Variants in DNAJC5G observed in about 807,000 individuals in gnomAD.
The protein encoded by DNAJC5G is dnaJ homolog subfamily C member 5G.
Under a neutral mutation model 19.1 loss-of-function variants are expected in DNAJC5G, and 13 were observed. The ratio of observed to expected loss-of-function variants is 0.68; its 90% CI spans 0.44 to 1.08. The LOEUF (loss-of-function observed/expected upper bound fraction) is 1.08. Ranked by LOEUF, DNAJC5G falls within the 50% of genes least tolerant of loss-of-function variation. DNAJC5G has a pLI of 0.00. For synonymous variants in DNAJC5G, 81 were observed against 84.4 expected, an observed-to-expected ratio of 0.96 and a Z score of 0.22; for missense variants, 245 against 230.4, an observed-to-expected ratio of 1.06 and a Z score of -0.41.
intron 3 of DNAJC5G, among the ~76,000 whole-genome samples, chr2:27,277,249 C>T (rs920328814): frequency 4.7e-5 from 7 of 147,862 alleles, no homozygotes; most frequent in East Asian, 2.0e-4. Context: ...GCCTACGACC[C>T]GTTTGTTTGT....
intron 5 of DNAJC5G, among the ~76,000 whole-genome samples, chr2:27,278,683 CAAAAAAAAAA>C (rs1180058010): frequency 7.5e-5 from 2 of 26,738 alleles, no homozygotes; most frequent in African/African-American, 2.9e-4. Flanking sequence ...GACTCCATCT[CAAAAAAAAAA>C]AAAAAAAAAA....
chr2:27,275,866 A>ACCCCCCCCCCCCC (rs1572502161), intron 1 of DNAJC5G: 15 of 93,170 alleles, frequency 1.6e-4, no homozygotes, highest in African/African-American at 5.5e-4. Flanking sequence ...AGCACTCCCC[A>ACCCCCCCCCCCCC]CCCCCGCCCC....
intron 2 of DNAJC5G, 123 bp downstream of exon 2, chr2:27,276,510 G>A (rs1678082177): frequency 2.0e-6 from 1 of 508,406 alleles, no homozygotes; most frequent in South Asian, 2.4e-5. Flanking sequence ...GGAAATGTGA[G>A]GAGAAGATGT....
At chr2:27,279,004 C>CAAAAAAAA (rs1227842823) in intron 5 of DNAJC5G, among the ~76,000 whole-genome samples, 4 of 56,808 alleles carry the variant, frequency 7.0e-5, no homozygotes, top group Non-Finnish European at 4.1e-5. Context: ...GACTCCATCT[C>CAAAAAAAA]AAAAAAAAAA....
chr2:27,279,654 G>A (rs867397184), intron 5 of DNAJC5G, among the ~76,000 whole-genome samples: 2 of 151,304 alleles, frequency 1.3e-5, no homozygotes, highest in Non-Finnish European at 2.9e-5. Flanking sequence ...GCTTGTGCCT[G>A]TAATCCCAGC....
At chr2:27,279,645 C>G (rs1435768521) in intron 5 of DNAJC5G, among the ~76,000 whole-genome samples, 4 of 151,408 alleles carry the variant, frequency 2.6e-5, no homozygotes, top group Non-Finnish European at 5.9e-5. Context: ...GTTGCAGTGG[C>G]TTGTGCCTGT....
In DNAJC5G at chr2:27,276,715, C is replaced by G; in HGVS notation, c.-3-11C>G. 1 of 1,610,996 alleles carries G rather than the reference C, an allele frequency of 6.2e-7. No homozygotes were observed. Reference sequence around the variant, plus strand: ...GAAGTTCTCACAGATGCTGCTTCTCCTCTGGCTCAGATCATGTCTACTGTG... The same window carrying G: ...GAAGTTCTCACAGATGCTGCTTCTCGTCTGGCTCAGATCATGTCTACTGTG... On this transcript the variant is annotated splice_polypyrimidine_tract_variant and intron_variant, in intron 2 of 6. Coordinates refer to ENST00000296097, the MANE Select transcript of DNAJC5G (RefSeq NM_173650.3).
chr2:27,280,158 C>T lies in DNAJC5G; in HGVS notation c.521-8C>T. 6.2e-7 allele frequency: 1 copy of T among 1,613,204 alleles called. No homozygotes were observed. On this transcript the variant is annotated splice_region_variant and splice_polypyrimidine_tract_variant and intron_variant, in intron 5 of 6. Transcript: ENST00000296097. ...GTATATGTAAACATATATATAATTC[C>T]ATCATAGGAGCCAAATGTGATTTTA...
chr2:27,276,404 A>G lies in DNAJC5G; in HGVS notation c.-4+17A>G, dbSNP rs1678075481. 1 of 218,714 alleles carries G rather than the reference A, an allele frequency of 4.6e-6. No individual in the cohort carries two copies. Among genetic ancestry groups the G allele is most frequent in the Non-Finnish European group, 9.1e-6 (1 of 109,940 alleles). 13.5% of individuals were successfully genotyped at this position (218,714 alleles called of 1,614,324 possible). ...TTACTCCAGGTAATAGGAGCTCTAG[A>G]CAAAATCAGGCTCTTTTCCTGGCTT... is the stretch of plus-strand genomic sequence containing the variant. On this transcript the variant is annotated intron_variant, in intron 2 of 6. Transcript: ENST00000296097.
At position 27,281,218 on chromosome 2, in the gene DNAJC5G, TA is replaced by T. The variant is rs1678358260; in HGVS notation, c.*813del. 2 of 152,328 alleles carry T rather than the reference TA, an allele frequency of 1.3e-5. No homozygotes were observed. The highest frequency in any genetic ancestry group is 4.1e-4 in the South Asian group (2 of 4,834). 9.4% of individuals were successfully genotyped at this position (152,328 alleles called of 1,614,324 possible). On this transcript the variant is annotated 3_prime_UTR_variant, in exon 7 of 7. Transcript: ENST00000296097. ...GGCCAATTGACATATAATTTGTTCT[TA>T]AAAATAGGGGCATGAAATATGTGAT...
intron 1 of DNAJC5G, chr2:27,275,755 C>A (rs1678004205): frequency 6.3e-6 from 1 of 158,852 alleles, no homozygotes; most frequent in Non-Finnish European, 1.4e-5. Context: ...GCCTCTGAGT[C>A]CTCTTCCTCC....
intron 3 of DNAJC5G, 93 bp downstream of exon 3, chr2:27,276,934 T>A: frequency 9.0e-7 from 1 of 1,111,928 alleles, no homozygotes; most frequent in Non-Finnish European, 1.2e-6. Context: ...TTTTTTTTTT[T>A]TTTTTTTTTT....
In DNAJC5G at chr2:27,278,035, C is replaced by T; in HGVS notation, c.375+20C>T. 1 of 1,611,446 alleles carries T rather than the reference C, an allele frequency of 6.2e-7. No homozygotes were observed. The highest frequency in any genetic ancestry group is 8.5e-7 in the Non-Finnish European group (1 of 1,178,404). Reference sequence around the variant, plus strand: ...TTCAAGGTACACAATTCTCCAGGTCCTTTAAGAATAAGGAAAGAAGGGTGA... The same window carrying T: ...TTCAAGGTACACAATTCTCCAGGTCTTTTAAGAATAAGGAAAGAAGGGTGA... On this transcript the variant is annotated intron_variant, in intron 4 of 6. Transcript: ENST00000296097.
chr2:27,280,530 C>T lies in DNAJC5G; in HGVS notation c.*120C>T. The stretch of plus-strand genomic sequence containing the variant: ...TGACATTGACCCTGATTTGACCCCT[C>T]TTCTTATAAGGATCTCAAGAATCTC... On this transcript the variant is annotated 3_prime_UTR_variant, in exon 7 of 7. Transcript: ENST00000296097. 3.6e-6 allele frequency: 1 copy of T among 279,056 alleles called. No individual in the cohort carries two copies. Among genetic ancestry groups the T allele is most frequent in the Non-Finnish European group, 7.0e-6 (1 of 142,402 alleles). The allele number at this position is 279,056 out of a possible 1,614,324, so 17.3% of individuals were successfully genotyped here.
At chr2:27,280,071 A>G in intron 5 of DNAJC5G, 95 bp from the exon 6 acceptor site, 3 of 1,168,590 alleles carry the variant, frequency 2.6e-6, no homozygotes, top group Non-Finnish European at 3.8e-6. Context: ...TGGTGATGCT[A>G]ATGAGTAACT....
intron 2 of DNAJC5G, 109 bp downstream of exon 2, chr2:27,276,496 G>A: frequency 4.2e-6 from 2 of 480,076 alleles, no homozygotes; most frequent in East Asian, 3.8e-5. Flanking sequence ...GCTGGAGGAT[G>A]CTGGGAAATG....
chr2:27,279,300 T>C (rs1307642717), intron 5 of DNAJC5G, among the ~76,000 whole-genome samples: 6 of 149,174 alleles, frequency 4.0e-5, no homozygotes, highest in Non-Finnish European at 7.4e-5. Context: ...GTTTTGTTGT[T>C]GTTGGTGGTG....
chr2:27,275,921 T>C (rs1678035361), intron 1 of DNAJC5G, 185 bp from the exon 2 acceptor site: 1 of 127,226 alleles, frequency 7.9e-6, no homozygotes, highest in Non-Finnish European at 1.6e-5. Flanking sequence ...ACTTGACTTC[T>C]GTTAGGCCTC....
intron 1 of DNAJC5G, chr2:27,275,793 C>G (rs569630945): frequency 6.4e-6 from 1 of 155,574 alleles, no homozygotes. Context: ...CTCTGAGGGA[C>G]AGAAGTGGGG....
Sources: gnomAD v4.1 joint callset for allele counts (sites outside exome capture counted in the v4.1 genomes callset) on GRCh38, gnomAD v4.1.1 for gene constraint, MANE v1.5 for transcripts, NCBI Gene and HGNC (gene_info 2026-07-23, HGNC 2026-07-21) for gene names.